Variants in LRRC3B observed in about 807,000 individuals in gnomAD.
The protein encoded by LRRC3B is leucine-rich repeat-containing protein 3B.
LRRC3B carries 2 observed loss-of-function variants against 12.8 expected under a neutral mutation model. That is an observed-to-expected ratio of 0.16 (90% CI 0.06 to 0.49). LRRC3B has a LOEUF of 0.49. LRRC3B is among the 20% of genes least tolerant of loss of function. LRRC3B has a pLI of 0.96. For synonymous variants in LRRC3B, 132 were observed against 122.0 expected (o/e 1.08, Z -0.54); for missense variants, 189 against 319.4 (o/e 0.59, Z 3.11).
chr3:26,690,389 G>A (rs1307962491), intron 1 of LRRC3B, among the ~76,000 whole-genome samples: 3 of 152,170 alleles, frequency 2.0e-5, no homozygotes, highest in African/African-American at 4.8e-5. Context: ...TTCACCAAGA[G>A]AGAATAAATG....
At chr3:26,707,242 A>G (rs1331886644) in intron 1 of LRRC3B, among the ~76,000 whole-genome samples, 4 of 151,042 alleles carry the variant, frequency 2.6e-5, no homozygotes, top group East Asian at 1.9e-4. Flanking sequence ...GTGTGTGCCT[A>G]TAGTTCCAGA....
At chr3:26,651,905 A>G (rs777886298) in intron 1 of LRRC3B, among the ~76,000 whole-genome samples, 6 of 152,222 alleles carry the variant, frequency 3.9e-5, no homozygotes, top group African/African-American at 1.2e-4. Context: ...TATTATCTCA[A>G]TGGATTCTCA....
At chr3:26,688,206 A>C (rs1388633172) in intron 1 of LRRC3B, among the ~76,000 whole-genome samples, 5 of 152,220 alleles carry the variant, frequency 3.3e-5, no homozygotes, top group Non-Finnish European at 7.3e-5. Flanking sequence ...GCTCTTTCTA[A>C]ATATCTAGGC....
At chr3:26,706,310 C>T (rs2125463705) in intron 1 of LRRC3B, among the ~76,000 whole-genome samples, 1 of 152,236 alleles carries the variant, frequency 6.6e-6, no homozygotes, top group African/African-American at 2.4e-5. Context: ...CCCACATATT[C>T]AAACCACAGC....
chr3:26,685,509 CTCTCTCTCTCTCTCTATATA>C (rs1470271616), intron 1 of LRRC3B, among the ~76,000 whole-genome samples: 11 of 51,146 alleles, frequency 2.2e-4, no homozygotes, highest in African/African-American at 6.9e-4. Flanking sequence ...CTCTCTCTCT[CTCTCTCTCTCTCTCTATATA>C]TATATATATA....
chr3:26,646,886 G>C (rs143826739), intron 1 of LRRC3B, among the ~76,000 whole-genome samples: 1 of 152,200 alleles, frequency 6.6e-6, no homozygotes, highest in East Asian at 1.9e-4. Flanking sequence ...CACCACTTAT[G>C]GCTGTGAATT....
At chr3:26,695,805 A>C (rs986625362) in intron 1 of LRRC3B, among the ~76,000 whole-genome samples, 1 of 152,194 alleles carries the variant, frequency 6.6e-6, no homozygotes, top group Non-Finnish European at 1.5e-5. Flanking sequence ...CTAACAAGGG[A>C]GCAAAAGGAC....
intron 1 of LRRC3B, among the ~76,000 whole-genome samples, chr3:26,695,484 G>T (rs1297400898): frequency 6.6e-6 from 1 of 151,978 alleles, no homozygotes; most frequent in Non-Finnish European, 1.5e-5. Context: ...CTGAGATCGC[G>T]CCACTGCAGT....
chr3:26,682,643 GA>G (rs1699994735), intron 1 of LRRC3B, among the ~76,000 whole-genome samples: 1 of 152,162 alleles, frequency 6.6e-6, no homozygotes, highest in Non-Finnish European at 1.5e-5. Flanking sequence ...CCAGCCTGGA[GA>G]AAAACTAAAT....
At chr3:26,691,105 G>GTA (rs1553605090) in intron 1 of LRRC3B, among the ~76,000 whole-genome samples, 3,012 of 84,812 alleles carry the variant, frequency 0.036, 64 homozygotes, top group African/African-American at 0.054. Context: ...GTGTGTGTGT[G>GTA]TATATATATA....
intron 1 of LRRC3B, among the ~76,000 whole-genome samples, chr3:26,656,257 T>A (rs1331016842): frequency 6.6e-6 from 1 of 152,166 alleles, no homozygotes; most frequent in East Asian, 1.9e-4. Context: ...GATCGTCTAA[T>A]CACTATAACA....
intron 1 of LRRC3B, among the ~76,000 whole-genome samples, chr3:26,637,980 A>C (rs991573419): frequency 7.2e-5 from 11 of 152,256 alleles, no homozygotes; most frequent in African/African-American, 2.7e-4. Flanking sequence ...GTAAGTTATG[A>C]AGAATCAAAA....
intron 1 of LRRC3B, among the ~76,000 whole-genome samples, chr3:26,675,970 C>G (rs1699850568): frequency 7.3e-6 from 1 of 136,074 alleles, no homozygotes; most frequent in African/African-American, 2.7e-5. Context: ...AAGCCCCTTT[C>G]TTTTTTTTTT....
At chr3:26,706,147 T>C (rs981113571) in intron 1 of LRRC3B, among the ~76,000 whole-genome samples, 7 of 152,204 alleles carry the variant, frequency 4.6e-5, no homozygotes, top group African/African-American at 1.7e-4. Flanking sequence ...GCAGAAGGGA[T>C]GAGAGAATTC....
intron 1 of LRRC3B, chr3:26,701,153 T>C (rs1235932904): frequency 6.6e-6 from 1 of 152,196 alleles, no homozygotes; most frequent in East Asian, 1.9e-4. Context: ...TTTAAATGTA[T>C]AGTTTAAGAG....
chr3:26,707,506 G>C (rs1293690300), intron 1 of LRRC3B, among the ~76,000 whole-genome samples: 1 of 152,116 alleles, frequency 6.6e-6, no homozygotes, highest in Non-Finnish European at 1.5e-5. Context: ...TCTGAATAGA[G>C]AACACTTCTT....
At chr3:26,640,233 G>A (rs76916099) in intron 1 of LRRC3B, among the ~76,000 whole-genome samples, 66 of 151,916 alleles carry the variant, frequency 4.3e-4, no homozygotes, top group African/African-American at 1.5e-3. Flanking sequence ...TTCTTTTTAC[G>A]AGTGGTCCTC....
chr3:26,647,731 G>A (rs913760820), intron 1 of LRRC3B, among the ~76,000 whole-genome samples: 1 of 152,110 alleles, frequency 6.6e-6, no homozygotes, highest in African/African-American at 2.4e-5. Flanking sequence ...GGAATTTGAA[G>A]CAAGAGAAAA....
At chr3:26,650,710 T>G (rs1390974142) in intron 1 of LRRC3B, among the ~76,000 whole-genome samples, 1 of 152,190 alleles carries the variant, frequency 6.6e-6, no homozygotes, top group Non-Finnish European at 1.5e-5. Flanking sequence ...TCCAAATAGC[T>G]CATTATTATT....
Sources: gnomAD v4.1 joint callset for allele counts (sites outside exome capture counted in the v4.1 genomes callset) on GRCh38, gnomAD v4.1.1 for gene constraint, MANE v1.5 for transcripts, NCBI Gene and HGNC (gene_info 2026-07-23, HGNC 2026-07-21) for gene names.